The following GRM7 variants were observed in gnomAD, a reference collection of about 807,000 sequenced individuals.
GRM7 encodes glutamate metabotropic receptor 7, also known as metabotropic glutamate receptor 7.
Under a neutral mutation model 84.5 loss-of-function variants are expected in GRM7, and 35 were observed. The ratio of observed to expected loss-of-function variants is 0.41; its 90% CI spans 0.32 to 0.55. GRM7 has a LOEUF of 0.55. Among genes scored for constraint, GRM7 ranks in the 20% least tolerant of loss-of-function variants. The pLI is 0.19. For synonymous variants in GRM7, 487 were observed against 455.1 expected, an observed-to-expected ratio of 1.07 and a Z score of -0.89; for missense variants, 1,003 against 1,194.6, an observed-to-expected ratio of 0.84 and a Z score of 2.36.
At chr3:7,687,559 T>G (rs1160629264) in intron 9 of GRM7, among the ~76,000 whole-genome samples, 1 of 152,170 alleles carries the variant, frequency 6.6e-6, no homozygotes, top group Non-Finnish European at 1.5e-5. Context: ...AACCTCCTAT[T>G]GTACTCATAT....
At chr3:7,636,407 G>GAAAAAAAAAA in intron 8 of GRM7, 1 of 407,536 alleles carries the variant, frequency 2.5e-6, no homozygotes, top group Non-Finnish European at 5.0e-6. Context: ...GTCATTGTTT[G>GAAAAAAAAAA]AAAAATGAGT....
At chr3:7,171,745 G>A (rs935948775) in intron 2 of GRM7, among the ~76,000 whole-genome samples, 10 of 152,136 alleles carry the variant, frequency 6.6e-5, no homozygotes, top group African/African-American at 2.4e-4. Flanking sequence ...ACATAGAGGC[G>A]TGACTTGATG....
intron 7 of GRM7, among the ~76,000 whole-genome samples, chr3:7,516,989 C>A (rs1246403957): frequency 6.6e-6 from 1 of 152,174 alleles, no homozygotes; most frequent in Non-Finnish European, 1.5e-5. Context: ...GACAGTCAGT[C>A]TCTCTGCTGC....
chr3:7,494,393 C>G (rs1380945189), intron 7 of GRM7, among the ~76,000 whole-genome samples: 1 of 152,104 alleles, frequency 6.6e-6, no homozygotes, highest in Non-Finnish European at 1.5e-5. Context: ...CAAGATACTT[C>G]CTTTATTAGT....
chr3:7,173,811 T>C (rs1029214488), intron 2 of GRM7, among the ~76,000 whole-genome samples: 1 of 152,206 alleles, frequency 6.6e-6, no homozygotes, highest in Non-Finnish European at 1.5e-5. Context: ...CAGAATGAGA[T>C]AGTTTCCTCT....
chr3:7,577,103 T>A (rs1170421028), intron 7 of GRM7, among the ~76,000 whole-genome samples: 2 of 152,204 alleles, frequency 1.3e-5, no homozygotes, highest in Non-Finnish European at 2.9e-5. Flanking sequence ...ATTTTTATCC[T>A]ATGTGACCTC....
chr3:7,416,727 C>A (rs566775739), intron 5 of GRM7, among the ~76,000 whole-genome samples: 5 of 151,994 alleles, frequency 3.3e-5, no homozygotes, highest in African/African-American at 1.2e-4. Context: ...TGCTATATAA[C>A]AATAGTTCTG....
At chr3:7,086,677 C>T (rs1265663886) in intron 1 of GRM7, among the ~76,000 whole-genome samples, 1 of 152,196 alleles carries the variant, frequency 6.6e-6, no homozygotes, top group Non-Finnish European at 1.5e-5. Context: ...GCTCTGAAAG[C>T]TTCCAGCGAG....
At chr3:7,611,203 C>T (rs191795659) in intron 8 of GRM7, among the ~76,000 whole-genome samples, 71 of 152,138 alleles carry the variant, frequency 4.7e-4, no homozygotes, top group East Asian at 3.1e-3. Context: ...TGGATTATTG[C>T]GAAAGATTTA....
intron 8 of GRM7, among the ~76,000 whole-genome samples, chr3:7,650,373 C>T (rs1420359020): frequency 1.3e-5 from 2 of 152,130 alleles, no homozygotes; most frequent in African/African-American, 2.4e-5. Context: ...TTATGCTGTG[C>T]AGGAATTAAG....
intron 1 of GRM7, among the ~76,000 whole-genome samples, chr3:6,949,676 G>T (rs1204929190): frequency 6.6e-6 from 1 of 151,980 alleles, no homozygotes; most frequent in Non-Finnish European, 1.5e-5. Context: ...CATTCTCCCT[G>T]TCACTTTCAG....
chr3:6,988,843 A>C (rs1461552893), intron 1 of GRM7, among the ~76,000 whole-genome samples: 1 of 152,110 alleles, frequency 6.6e-6, no homozygotes, highest in Non-Finnish European at 1.5e-5. Flanking sequence ...CTCCATATAC[A>C]CCAAAGGTAG....
At position 6,903,060 on chromosome 3, in the gene GRM7, G is replaced by T. The variant is rs145798359; in HGVS notation, c.519+41153G>T. On this transcript the variant is annotated intron_variant, in intron 1 of 9. Coordinates refer to ENST00000357716, the MANE Select transcript of GRM7 (RefSeq NM_000844.4). ...GCATGGGTGACATGAGAACAATGAT[G>T]ATATATTTATAATGCTTATAAGTCT... Among the ~76,000 whole-genome samples the T allele has an allele frequency of 8.7e-4, 132 of 152,116 alleles. 2 individuals carry two copies. The highest frequency in any genetic ancestry group is 3.0e-3 in the African/African-American group (124 of 41,510).
chr3:7,691,341 C>T (rs1348557704), intron 9 of GRM7: 5 of 1,035,502 alleles, frequency 4.8e-6, no homozygotes, highest in Non-Finnish European at 6.5e-6. Context: ...AAGTGTTGGT[C>T]CAAGTATTGG....
chr3:6,884,933 C>T (rs1230695933), intron 1 of GRM7, among the ~76,000 whole-genome samples: 1 of 152,192 alleles, frequency 6.6e-6, no homozygotes, highest in East Asian at 1.9e-4. Context: ...AGAAATAACA[C>T]ATGCCTTTAA....
intron 7 of GRM7, among the ~76,000 whole-genome samples, chr3:7,517,308 G>T (rs1483169152): frequency 6.6e-6 from 1 of 152,068 alleles, no homozygotes; most frequent in Non-Finnish European, 1.5e-5. Flanking sequence ...AACAGAAAAT[G>T]TTTGTATAAA....
chr3:7,543,276 G>C (rs1267789129), intron 7 of GRM7, among the ~76,000 whole-genome samples: 1 of 152,190 alleles, frequency 6.6e-6, no homozygotes, highest in African/African-American at 2.4e-5. Context: ...TGTCAAACAG[G>C]GTTCATCACA....
At chr3:7,538,442 T>C (rs909537476) in intron 7 of GRM7, among the ~76,000 whole-genome samples, 2 of 152,166 alleles carry the variant, frequency 1.3e-5, no homozygotes, top group African/African-American at 4.8e-5. Context: ...CATGACTTTG[T>C]CTATGGCCTG....
intron 8 of GRM7, among the ~76,000 whole-genome samples, chr3:7,642,425 C>T (rs1234726734): frequency 6.6e-6 from 1 of 152,138 alleles, no homozygotes; most frequent in Middle Eastern, 3.2e-3. Context: ...CAATCTCATA[C>T]AAACAAATGA....
Sources: gnomAD v4.1 joint callset for allele counts (sites outside exome capture counted in the v4.1 genomes callset) on GRCh38, gnomAD v4.1.1 for gene constraint, MANE v1.5 for transcripts, NCBI Gene and HGNC (gene_info 2026-07-23, HGNC 2026-07-21) for gene names.